Variants in SYBU observed in about 807,000 individuals in gnomAD.
SYBU encodes syntabulin, also known as GOLSYN A protein.
In SYBU, 21 loss-of-function variants were observed where a neutral mutation model predicts 35.9. That is an observed-to-expected ratio of 0.58 (90% confidence interval 0.41 to 0.84). SYBU has a LOEUF of 0.84. SYBU is among the 40% of genes least tolerant of loss of function. The pLI is 0.00. For synonymous variants in SYBU, 319 were observed against 324.3 expected, an observed-to-expected ratio of 0.98 and a Z score of 0.18; for missense variants, 768 against 848.2, an observed-to-expected ratio of 0.91 and a Z score of 1.17.
rs1812132784 is a variant in SYBU at position 109,618,983 on chromosome 8, C to T, written c.286G>A (p.Ala96Thr). Reference protein sequence around the residue: ...SVSPVKTPSDAGNSPIGFCPG... With the variant: ...SVSPVKTPSDTGNSPIGFCPG... Reference sequence around the variant, plus strand: ...CAAAAGCCAATGGGGCTGTTTCCAGCATCTGAGGGTGTCTTCACAGGAGAC... The same window carrying T: ...CAAAAGCCAATGGGGCTGTTTCCAGTATCTGAGGGTGTCTTCACAGGAGAC... The change falls in exon 3 of 7, where the codon GCT (alanine) becomes ACT (threonine). Residue 96 changes from alanine to threonine, a missense_variant. Physicochemically the swap from Ala to Thr is moderately conservative, Grantham distance 58. Transcript: ENST00000276646. 2 of 1,614,040 alleles carry T rather than the reference C, an allele frequency of 1.2e-6. No individual in the cohort carries two copies. Among genetic ancestry groups the T allele is most frequent in the Admixed American group, 1.7e-5 (1 of 59,992 alleles).
chr8:109,589,686 G>C (rs1242382174), intron 3 of SYBU, among the ~76,000 whole-genome samples: 1 of 152,066 alleles, frequency 6.6e-6, no homozygotes, highest in Non-Finnish European at 1.5e-5. Context: ...GTATGCTAAC[G>C]CCAGGGAATT....
chr8:109,688,290 T>C (rs1415873985), intron 1 of SYBU, among the ~76,000 whole-genome samples: 1 of 152,202 alleles, frequency 6.6e-6, no homozygotes. Flanking sequence ...TCAGAGATGA[T>C]AAAAATTGTG....
chr8:109,627,066 G>A (rs1813061561), intron 2 of SYBU, among the ~76,000 whole-genome samples: 1 of 150,466 alleles, frequency 6.6e-6, no homozygotes, highest in South Asian at 2.1e-4. Context: ...AAACATTAAT[G>A]GAGGAAAATA....
intron 1 of SYBU, chr8:109,644,104 A>C: frequency 2.2e-6 from 1 of 457,136 alleles, no homozygotes; most frequent in Non-Finnish European, 4.4e-6. Context: ...ACATGGCATA[A>C]ATTGAAGGGT....
At chr8:109,665,398 T>G (rs974241400) in intron 1 of SYBU, among the ~76,000 whole-genome samples, 3 of 152,208 alleles carry the variant, frequency 2.0e-5, no homozygotes, top group Non-Finnish European at 4.4e-5. Context: ...ATAAATCAGC[T>G]GGCTAAAGCA....
intron 2 of SYBU, among the ~76,000 whole-genome samples, chr8:109,637,256 T>G (rs926050721): frequency 6.6e-6 from 1 of 152,202 alleles, no homozygotes; most frequent in African/African-American, 2.4e-5. Context: ...TACTCTAAAA[T>G]TGGAAAACAT....
At chr8:109,632,388 T>C (rs1368579005) in intron 2 of SYBU, among the ~76,000 whole-genome samples, 1 of 152,208 alleles carries the variant, frequency 6.6e-6, no homozygotes, top group Non-Finnish European at 1.5e-5. Flanking sequence ...ATAAAATAAC[T>C]ACAAATCACT....
intron 4 of SYBU, 37 bp downstream of exon 4, chr8:109,586,023 A>G (rs777106832): frequency 1.3e-6 from 2 of 1,496,246 alleles, no homozygotes; most frequent in African/African-American, 1.4e-5. Flanking sequence ...TCACCTGTGT[A>G]AAGCGTCTTA....
rs767992136 is a variant in SYBU, at chr8:109,575,404, G to A, written c.1494C>T (p.Ala498=). The A allele has an allele frequency of 1.2e-6, 2 of 1,614,104 alleles. No individual in the cohort carries two copies. Among genetic ancestry groups the A allele is most frequent in the East Asian group, 4.5e-5 (2 of 44,848 alleles). ...VQTDVVPYSP[A]ISELIQSVLQ... is the part of the protein sequence containing the mutation. The stretch of plus-strand genomic sequence containing the variant: ...GCACACTCTGAATGAGCTCTGAGAT[G>A]GCTGGGCTGTAGGGCACCACGTCGG... Residue 498 remains alanine, a synonymous_variant, in exon 7 of 7, where the codon GCC becomes GCT. Coordinates refer to ENST00000276646, the MANE Select transcript of SYBU (RefSeq NM_001099754.2).
chr8:109,644,931 G>C (rs1815458413), upstream of SYBU: 3 of 539,444 alleles, frequency 5.6e-6, no homozygotes, highest in Non-Finnish European at 1.0e-5. Flanking sequence ...GCGGCCTTCG[G>C]GGCAACTCGA....
rs1369016145 is a variant in SYBU at position 109,577,720 on chromosome 8, A to T, written c.884+148T>A. The T allele has an allele frequency of 6.0e-6, 5 of 828,552 alleles. No homozygotes were observed. The Middle Eastern group carries it at 9.3e-4, about 154-fold the overall frequency. 51.3% of individuals were successfully genotyped at this position (828,552 alleles called of 1,614,324 possible). ...CCATATCACACAGAGTTATGAAATG[A>T]CTCTTTTCAGAGGCTGACTTTAAAA... On this transcript the variant is annotated intron_variant, in intron 6 of 6. Coordinates refer to ENST00000276646, the MANE Select transcript of SYBU (RefSeq NM_001099754.2).
chr8:109,651,974 A>C (rs1816160995), intron 1 of SYBU, among the ~76,000 whole-genome samples: 1 of 152,186 alleles, frequency 6.6e-6, no homozygotes, highest in African/African-American at 2.4e-5. Context: ...ATGCACAGAC[A>C]CCTATCACTC....
chr8:109,574,143 T>G lies in SYBU; in HGVS notation c.*763A>C, dbSNP rs548639289. ...ATGTAAGATCTGCTATTCATTGTCT[T>G]TCTTATACATAGAAGTAAAATCACA... On this transcript the variant is annotated 3_prime_UTR_variant, in exon 7 of 7. Transcript: ENST00000276646. 1 of 152,394 alleles carries G rather than the reference T, an allele frequency of 6.6e-6. No homozygotes were observed. The highest frequency in any genetic ancestry group is 1.9e-4 in the East Asian group (1 of 5,192). The allele number at this position is 152,394 out of a possible 1,614,324, so 9.4% of individuals were successfully genotyped here.
At chr8:109,581,922 A>C (rs1236160919) in intron 4 of SYBU, among the ~76,000 whole-genome samples, 1 of 152,234 alleles carries the variant, frequency 6.6e-6, no homozygotes, top group East Asian at 1.9e-4. Context: ...TTTATACGGA[A>C]CAGATGGGCT....
intron 1 of SYBU, among the ~76,000 whole-genome samples, chr8:109,665,718 TG>T (rs1464267132): frequency 1.3e-5 from 2 of 152,210 alleles, no homozygotes; most frequent in African/African-American, 4.8e-5. Context: ...CTGGTAACCA[TG>T]TACATATTCT....
intron 1 of SYBU, among the ~76,000 whole-genome samples, chr8:109,678,121 C>A (rs796282387): frequency 1.1e-5 from 1 of 94,854 alleles, no homozygotes; most frequent in African/African-American, 4.5e-5. Flanking sequence ...GCAAGAAGAG[C>A]GAAACTCCAC....
At chr8:109,675,838 A>C (rs1178333719) in intron 1 of SYBU, among the ~76,000 whole-genome samples, 4 of 152,192 alleles carry the variant, frequency 2.6e-5, no homozygotes, top group Non-Finnish European at 4.4e-5. Context: ...CACAACAAAA[A>C]AAGAAAATTT....
At chr8:109,632,883 C>A (rs1435081413) in intron 2 of SYBU, among the ~76,000 whole-genome samples, 1 of 152,178 alleles carries the variant, frequency 6.6e-6, no homozygotes, top group Admixed American at 6.5e-5. Context: ...ACAGGTACTG[C>A]CTGGAATATG....
At chr8:109,677,536 T>G (rs72669149) in intron 1 of SYBU, among the ~76,000 whole-genome samples, 2,263 of 152,318 alleles carry the variant, frequency 0.015, 17 homozygotes, top group Non-Finnish European at 0.022. Context: ...GAAATAATAG[T>G]TTTTCTCTAC....
Sources: gnomAD v4.1 joint callset for allele counts (sites outside exome capture counted in the v4.1 genomes callset) on GRCh38, gnomAD v4.1.1 for gene constraint, MANE v1.5 for transcripts, NCBI Gene and HGNC (gene_info 2026-07-23, HGNC 2026-07-21) for gene names.